The following YTHDF1 variants were observed in gnomAD, a reference collection of about 807,000 sequenced individuals.
YTHDF1 encodes YTH N6-methyladenosine RNA binding protein F1, also known as YTH domain-containing family protein 1.
YTHDF1 carries 16 observed loss-of-function variants against 49.1 expected under a neutral mutation model. That is an observed-to-expected ratio of 0.33 (90% CI 0.22 to 0.49). The LOEUF (loss-of-function observed/expected upper bound fraction) is 0.49. Among genes scored for constraint, YTHDF1 ranks in the 20% least tolerant of loss-of-function variants. YTHDF1 has a pLI of 0.99. For missense variants in YTHDF1, 621 were observed against 744.3 expected, an observed-to-expected ratio of 0.83 and a Z score of 1.93; for synonymous variants, 313 against 290.1, an observed-to-expected ratio of 1.08 and a Z score of -0.80.
chr20:63,209,876 CCTT>C (rs1300188944), intron 3 of YTHDF1, among the ~76,000 whole-genome samples: 1 of 152,210 alleles, frequency 6.6e-6, no homozygotes, highest in East Asian at 1.9e-4. Context: ...ACACCAATTG[CCTT>C]CTTCTGGATT....
Position 63,199,294 on chromosome 20 carries a change from C to T in YTHDF1, c.1654-2560G>A, listed in dbSNP as rs112058353. Among the ~76,000 whole-genome samples, 5 of 151,920 alleles carry T rather than the reference C, an allele frequency of 3.3e-5. No homozygotes were observed. The East Asian group carries it at 5.9e-4, about 18-fold the overall frequency. ...CAGCACTTTGGGAGGCCAAAGCGGGCGGATCACGAGGTCAGGAGATCGAGA... is the reference window on the plus strand; with the variant it reads ...CAGCACTTTGGGAGGCCAAAGCGGGTGGATCACGAGGTCAGGAGATCGAGA... On this transcript the variant is annotated intron_variant, in intron 4 of 4. Coordinates refer to ENST00000370339, the MANE Select transcript of YTHDF1 (RefSeq NM_017798.4).
At chr20:63,211,326 G>A (rs1295743398) in intron 3 of YTHDF1, among the ~76,000 whole-genome samples, 7 of 152,072 alleles carry the variant, frequency 4.6e-5, no homozygotes, top group Non-Finnish European at 1.0e-4. Flanking sequence ...TTAGCTGGGC[G>A]TGGTGGCACA....
Position 63,202,641 on chromosome 20 carries a change from G to T in YTHDF1, c.1299C>A (p.Pro433=). 6.2e-7 allele frequency: 1 copy of T among 1,613,826 alleles called. No homozygotes were observed. The highest frequency in any genetic ancestry group is 8.5e-7 in the Non-Finnish European group (1 of 1,180,038). ...CATTGACGCTGAAGAGCAGGTAGAC[G>T]GGCCCCTTGCTGCTCATGCAGCGGA... ...SAFRCMSSKG[P]VYLLFSVNGS... Residue 433 remains proline, a synonymous_variant, in exon 4 of 5, where the codon CCC becomes CCA. Transcript: ENST00000370339.
rs1420241979 is a variant in YTHDF1, at chr20:63,196,535, A to G, written c.*173T>C. 4.4e-6 allele frequency: 3 copies of G among 687,206 alleles called. No individual in the cohort carries two copies. The highest frequency in any genetic ancestry group is 7.4e-6 in the Non-Finnish European group (3 of 405,596). 42.6% of individuals were successfully genotyped at this position (687,206 alleles called of 1,614,324 possible). A position where few individuals can be genotyped will look rare whatever the true frequency, so the allele number is the denominator to read the frequency against. ...AGTGACTTCTACAGGATTATAATACATAGAAAAAGTACAAATAAATGCAGA... is the reference window on the plus strand; with the variant it reads ...AGTGACTTCTACAGGATTATAATACGTAGAAAAAGTACAAATAAATGCAGA... On this transcript the variant is annotated 3_prime_UTR_variant, in exon 5 of 5. Transcript: ENST00000370339.
At chr20:63,197,616 A>G (rs987477913) in intron 4 of YTHDF1, among the ~76,000 whole-genome samples, 7 of 151,978 alleles carry the variant, frequency 4.6e-5, no homozygotes, top group Non-Finnish European at 7.4e-5. Context: ...GTGGTGGCGC[A>G]CCCTGTAATC....
chr20:63,199,519 A>T (rs1250409948), intron 4 of YTHDF1, among the ~76,000 whole-genome samples: 1 of 73,252 alleles, frequency 1.4e-5, no homozygotes, highest in Non-Finnish European at 3.2e-5. Context: ...ATTCTGTCTT[A>T]AAAAAAAAAA....
intron 3 of YTHDF1, among the ~76,000 whole-genome samples, chr20:63,213,184 C>T (rs186835053): frequency 6.6e-6 from 1 of 152,362 alleles, no homozygotes; most frequent in East Asian, 1.9e-4. Context: ...ATAATCCCAG[C>T]ACTCTGGGAG....
chr20:63,214,737 ACT>A (rs1466285593), intron 2 of YTHDF1, among the ~76,000 whole-genome samples: 1 of 151,972 alleles, frequency 6.6e-6, no homozygotes. Flanking sequence ...AGCAGGAATG[ACT>A]CTGAGTTCTG....
intron 3 of YTHDF1, among the ~76,000 whole-genome samples, chr20:63,209,844 C>T (rs1287592744): frequency 6.6e-6 from 1 of 152,236 alleles, no homozygotes; most frequent in East Asian, 1.9e-4. Flanking sequence ...CAACAACACA[C>T]ATGGAGCTGT....
intron 3 of YTHDF1, among the ~76,000 whole-genome samples, chr20:63,211,012 G>C (rs532989246): frequency 6.6e-6 from 1 of 152,156 alleles, no homozygotes; most frequent in Non-Finnish European, 1.5e-5. Flanking sequence ...CCCACCACAC[G>C]GCAACAACCC....
rs370542018 is a variant in YTHDF1 at position 63,212,641 on chromosome 20, G to A, written c.132+1223C>T. On this transcript the variant is annotated intron_variant, in intron 3 of 4. Transcript: ENST00000370339. ...GTGAGGCAGGGGAAGTCTGATTCCC[G>A]AGTTGGACTCTTAGACATAAACAGA... Among the ~76,000 whole-genome samples the A allele has an allele frequency of 3.1e-3, 473 of 152,332 alleles. 9 individuals are homozygous for A. The South Asian group carries it at 0.044, about 14-fold the overall frequency.
intron 4 of YTHDF1, among the ~76,000 whole-genome samples, chr20:63,200,957 A>C (rs760735786): frequency 2.7e-4 from 41 of 152,160 alleles, no homozygotes; most frequent in Middle Eastern, 3.4e-3. Context: ...AGGCAGGACA[A>C]TCACTCGAAC....
intron 3 of YTHDF1, among the ~76,000 whole-genome samples, chr20:63,210,562 T>C (rs1182004714): frequency 6.6e-6 from 1 of 151,980 alleles, no homozygotes; most frequent in Non-Finnish European, 1.5e-5. Context: ...GGCAGGGGGA[T>C]CACCAGAGGT....
intron 3 of YTHDF1, among the ~76,000 whole-genome samples, chr20:63,205,537 C>T (rs1441988081): frequency 1.3e-5 from 2 of 150,232 alleles, no homozygotes; most frequent in Admixed American, 1.3e-4. Context: ...GGGACGAAGT[C>T]TCACTTTGTC....
In YTHDF1 at chr20:63,202,968, G is replaced by C; in HGVS notation, c.972C>G (p.Pro324=). The change falls in exon 4 of 5, where the codon CCC becomes CCG. Residue 324 remains proline, a synonymous_variant. Coordinates refer to ENST00000370339, the MANE Select transcript of YTHDF1 (RefSeq NM_017798.4). ...QPQYQSPQQP[P]QTRWVAPRNR... ...TGCGTGGGGCAACCCAGCGGGTCTG[G>C]GGTGGCTGCTGAGGGCTCTGATACT... 1 of 1,613,846 alleles carries C rather than the reference G, an allele frequency of 6.2e-7. No individual in the cohort carries two copies. Among genetic ancestry groups the C allele is most frequent in the Non-Finnish European group, 8.5e-7 (1 of 1,180,034 alleles).
chr20:63,205,525 T>C (rs1229664328), intron 3 of YTHDF1, among the ~76,000 whole-genome samples: 1 of 151,868 alleles, frequency 6.6e-6, no homozygotes, highest in Non-Finnish European at 1.5e-5. Context: ...CCTTTTTTTT[T>C]TGGGACGAAG....
At position 63,215,883 on chromosome 20, in the gene YTHDF1, T is replaced by A; in HGVS notation, c.10A>T (p.Thr4Ser). The A allele has an allele frequency of 1.4e-6, 2 of 1,447,298 alleles. No individual in the cohort carries two copies. Among genetic ancestry groups the A allele is most frequent in the Non-Finnish European group, 9.1e-7 (1 of 1,099,486 alleles). The allele number at this position is 1,447,298 out of a possible 1,614,324, so 89.7% of individuals were successfully genotyped here. MSA[T>S]SVDTQRTKGQ... ...CCCGCTACCTGGGTGTCCACGCTGG[T>A]GGCCGACATGCTTCATGAACAACTA... Residue 4 changes from threonine (T) to serine (S), a missense_variant, in exon 1 of 5, where the codon ACC (threonine) becomes TCC (serine). Physicochemically the swap from Thr to Ser is moderately conservative, Grantham distance 58 (BLOSUM62 1). This residue lies in a region of YTHDF1 where 470 missense variants were observed against 495.8 expected (regional missense o/e 0.95). Coordinates refer to ENST00000370339, the MANE Select transcript of YTHDF1 (RefSeq NM_017798.4).
intron 2 of YTHDF1, 71 bp downstream of exon 2, chr20:63,215,506 G>A (rs1276610248): frequency 1.9e-6 from 3 of 1,604,168 alleles, no homozygotes; most frequent in African/African-American, 1.3e-5. Flanking sequence ...TCCAGACGCA[G>A]CTTCCTGGAC....
In YTHDF1 at chr20:63,203,206, T is replaced by A. The variant is rs1490023869; in HGVS notation, c.734A>T (p.Gln245Leu). Residue 245 changes from glutamine (Q) to leucine (L), a missense_variant, in exon 4 of 5, where the codon CAG becomes CTG. By Grantham distance (113) the Gln-to-Leu change is moderately radical (BLOSUM62 -2). Around this residue, in one of 2 missense-constraint regions of YTHDF1, gnomAD observed 470 missense variants for 495.8 expected, o/e 0.95. Transcript: ENST00000370339. This position sits in a 1 kb window ranked among gnomAD's most constrained non-coding sequence, Gnocchi z 4.4. ...CCCGCTCTTTGTTTTCATTTTAGGC[T>A]GTGGTTTTGCAGGCTTGCTGGCAAT... ...AAIASKPAKP[Q>L]PKMKTKSGPV... 2.8e-5 allele frequency: 45 copies of A among 1,613,934 alleles called. No individual in the cohort carries two copies. Among genetic ancestry groups the A allele is most frequent in the Non-Finnish European group, 3.6e-5 (43 of 1,180,042 alleles).
Sources: allele counts gnomAD v4.1 joint callset (sites outside exome capture counted in the v4.1 genomes callset), GRCh38; gene constraint gnomAD v4.1.1; regional missense constraint gnomAD v4.1.1; non-coding constraint Gnocchi (gnomAD v3.1); transcripts MANE v1.5; gene names NCBI Gene and HGNC (gene_info 2026-07-23, HGNC 2026-07-21).